Variants in OR2T27 observed in about 807,000 individuals in gnomAD.
The protein encoded by OR2T27 is olfactory receptor family 2 subfamily T member 27.
For missense variants in OR2T27, 152 were observed against 397.2 expected (o/e 0.38, Z 5.25); for synonymous variants, 51 against 152.9 (o/e 0.33, Z 4.92).
chr1:248,655,381 TAGG>T (rs1488806165), intron 1 of OR2T27, 60 bp downstream of exon 1: 5 of 109,838 alleles, frequency 4.6e-5, no homozygotes, highest in Non-Finnish European at 8.2e-5. Context: ...CAAAACTTTC[TAGG>T]AAGTCCAGAA....
chr1:248,652,906 G>A (rs962678083), intron 1 of OR2T27, among the ~76,000 whole-genome samples: 1 of 147,686 alleles, frequency 6.8e-6, no homozygotes, highest in Admixed American at 7.0e-5. Context: ...CAAACATTTA[G>A]TAGCAATTCG....
In OR2T27 at chr1:248,649,934, G is replaced by A. The variant is rs758457602; in HGVS notation, c.951C>T (p.Phe317=). 4.5e-6 allele frequency: 7 copies of A among 1,555,236 alleles called. 1 individual carries two copies. The Admixed American group carries it at 1.2e-4, about 26-fold the overall frequency. The change falls in exon 2 of 2, where the codon TTC becomes TTT. Residue 317 remains phenylalanine, a synonymous_variant. Transcript: ENST00000460972. ...RCVSSGKVTT[F] ...TCTAGCAGCATATGAAATTTCTTTA[G>A]AAAGTGGTTACCTTTCCTGAGGACA...
chr1:248,651,121 A>G (rs1216308328), intron 1 of OR2T27, among the ~76,000 whole-genome samples: 910 of 74,832 alleles, frequency 0.012, no homozygotes, highest in African/African-American at 0.029. Flanking sequence ...TGATCAAACA[A>G]TCTTTTTGTT....
At chr1:248,655,187 C>G (rs1323948116) in intron 1 of OR2T27, among the ~76,000 whole-genome samples, 1 of 38,202 alleles carries the variant, frequency 2.6e-5, no homozygotes, top group African/African-American at 3.3e-5. Flanking sequence ...ATTATGCAGA[C>G]AGATCTGCAT....
chr1:248,653,917 A>G (rs1425670813), intron 1 of OR2T27, among the ~76,000 whole-genome samples: 2 of 117,476 alleles, frequency 1.7e-5, no homozygotes, highest in African/African-American at 5.3e-5. Context: ...AAGTTTTGAA[A>G]TATTTCAGAC....
At chr1:248,652,542 TTG>T in intron 1 of OR2T27, among the ~76,000 whole-genome samples, 1 of 12,744 alleles carries the variant, frequency 7.8e-5, no homozygotes, top group African/African-American at 8.3e-5. Context: ...TGAACGTGTG[TTG>T]TGTGACCACA....
At chr1:248,653,002 T>C (rs987372629) in intron 1 of OR2T27, among the ~76,000 whole-genome samples, 4 of 90,216 alleles carry the variant, frequency 4.4e-5, no homozygotes, top group African/African-American at 1.1e-4. Flanking sequence ...GTGCTTGTTA[T>C]TTCACAGTAA....
chr1:248,651,581 T>G (rs1420883623), intron 1 of OR2T27: 1 of 23,994 alleles, frequency 4.2e-5, no homozygotes, highest in African/African-American at 1.0e-4. Context: ...AACTACCAAT[T>G]ATTAACATAC....
Position 248,651,467 on chromosome 1 carries a change from A to G in OR2T27, c.-4-579T>C, listed in dbSNP as rs1461611728. 2.8e-5 allele frequency: 2 copies of G among 70,856 alleles called. 1 individual carries two copies. Among genetic ancestry groups the G allele is most frequent in the Non-Finnish European group, 9.8e-5 (2 of 20,482 alleles). The allele number at this position is 70,856 out of a possible 1,614,324, so 4.4% of individuals were successfully genotyped here. On this transcript the variant is annotated intron_variant, in intron 1 of 1. Coordinates refer to ENST00000460972, the MANE Select transcript of OR2T27 (RefSeq NM_001001824.2). ...TGCAGAATGAGCCTGTGTTGAATAA[A>G]AAGAGCTGAGTTCTGAGAAGTCATC...
chr1:248,655,017 T>TC (rs1213762405), intron 1 of OR2T27, among the ~76,000 whole-genome samples: 1 of 31,790 alleles, frequency 3.1e-5, no homozygotes, highest in African/African-American at 3.7e-5. Flanking sequence ...TGCAATGGTT[T>TC]CTCGGAGCAG....
In OR2T27 at chr1:248,649,980, T is replaced by C. The variant is rs773399589; in HGVS notation, c.905A>G (p.Gln302Arg). Reference protein sequence around the residue: ...LRNKDVTGALQKVVGRCVSSG... With the variant: ...LRNKDVTGALRKVVGRCVSSG... ...GGACACACACCTCCCCACAACCTTC[T>C]GTAGGGCCCCTGTGACATCCTTGTT... The change falls in exon 2 of 2, where the codon CAG (glutamine) becomes CGG (arginine). Residue 302 changes from glutamine (Q) to arginine (R), a missense_variant. By Grantham distance (43) the Gln-to-Arg change is conservative (BLOSUM62 1). Transcript: ENST00000460972. 4.4e-6 allele frequency: 7 copies of C among 1,579,198 alleles called. No individual in the cohort carries two copies. The African/African-American group carries it at 9.8e-5, about 22-fold the overall frequency.
intron 1 of OR2T27, chr1:248,651,546 G>A (rs1164577328): frequency 1.7e-5 from 1 of 57,948 alleles, no homozygotes; most frequent in African/African-American, 3.1e-5. Flanking sequence ...GTCAAGTGGT[G>A]TTTGCTTTCC....
chr1:248,652,034 TTC>T (rs147078782), intron 1 of OR2T27, among the ~76,000 whole-genome samples: 7,589 of 151,626 alleles, frequency 0.05, 263 homozygotes, highest in African/African-American at 0.17. Flanking sequence ...AAATTTAGAA[TTC>T]TCTGTGGCTC....
Position 248,650,483 on chromosome 1 carries a change from G to A in OR2T27, c.402C>T (p.Val134=). 6.4e-7 allele frequency: 1 copy of A among 1,557,416 alleles called. No homozygotes were observed. The highest frequency in any genetic ancestry group is 8.7e-7 in the Non-Finnish European group (1 of 1,144,372). The change falls in exon 2 of 2, where the codon GTC becomes GTT. Residue 134 remains valine (V), a synonymous_variant. Transcript: ENST00000460972. Reference sequence around the variant, plus strand: ...ACCAGCAGATCTTGCGGCTCATGAGGACAGGATAGTGCAGAGGGTTGCAGA... The same window carrying A: ...ACCAGCAGATCTTGCGGCTCATGAGAACAGGATAGTGCAGAGGGTTGCAGA... ...VAICNPLHYP[V]LMSRKICWLI...
In OR2T27 at chr1:248,650,401, C is replaced by T. The variant is rs377670723; in HGVS notation, c.484G>A (p.Val162Ile). 146 of 1,384,142 alleles carry T rather than the reference C, an allele frequency of 1.1e-4. No homozygotes were observed. The African/African-American group carries it at 1.4e-3, about 14-fold the overall frequency. 85.7% of individuals were successfully genotyped at this position (1,384,142 alleles called of 1,614,324 possible). A position where few individuals can be genotyped will look rare whatever the true frequency, so the allele number is the denominator to read the frequency against. ...GCACAGAAGGGGAACTGCATGGTGA[C>T]GGGGGTGAGCAAGAAACCATCGATA... ...GSIDGFLLTP[V>I]TMQFPFCASR... Residue 162 changes from valine to isoleucine, a missense_variant, in exon 2 of 2, where the codon GTC (valine) becomes ATC (isoleucine). Physicochemically the swap from Val to Ile is conservative, Grantham distance 29. Coordinates refer to ENST00000460972, the MANE Select transcript of OR2T27 (RefSeq NM_001001824.2).
rs146838192 is a variant in OR2T27 at position 248,650,620 on chromosome 1, G to A, written c.265C>T (p.Gln89Ter). ...PKMLVDQVMS[Q>*]RAISFAGCTA... is the part of the protein sequence containing the mutation. ...CATCCAGCAAAGGAAATGGCTCTCT[G>A]GCTCATCACCTGGTCGACCAGCATT... The change falls in exon 2 of 2, where the codon CAG (glutamine) becomes TAG (stop). Residue 89 changes from glutamine (Q) to a stop codon, truncating the protein, a stop_gained. Coordinates refer to ENST00000460972, the MANE Select transcript of OR2T27 (RefSeq NM_001001824.2). LOFTEE classifies it low-confidence loss of function (END_TRUNC). 231 of 1,485,400 alleles carry A rather than the reference G, an allele frequency of 1.6e-4. No homozygotes were observed. The highest frequency in any genetic ancestry group is 1.5e-3 in the African/African-American group (112 of 73,194). The allele number at this position is 1,485,400 out of a possible 1,614,324, so 92.0% of individuals were successfully genotyped here. A position where few individuals can be genotyped will look rare whatever the true frequency, so the allele number is the denominator to read the frequency against.
In OR2T27 at chr1:248,650,427, G is replaced by C. The variant is rs201249995; in HGVS notation, c.458C>G (p.Ser153Cys). The C allele has an allele frequency of 3.0e-4, 451 of 1,516,360 alleles. 12 individuals carry two copies. In the Middle Eastern group the frequency reaches 3.1e-3, roughly 11 times the overall value. 93.9% of individuals were successfully genotyped at this position (1,516,360 alleles called of 1,614,324 possible). ...GGGGGTGAGCAAGAAACCATCGATA[G>C]ACCCTCCCAGCCAGGCTGCCGCCAC... ...LIVAAAWLGG[S>C]IDGFLLTPVT... Residue 153 changes from serine (S) to cysteine (C), a missense_variant, in exon 2 of 2, where the codon TCT becomes TGT. Ser to Cys is a moderately radical substitution (Grantham distance 112). Transcript: ENST00000460972.
At chr1:248,651,903 TA>T (rs1228765548) in intron 1 of OR2T27, among the ~76,000 whole-genome samples, 2 of 90,380 alleles carry the variant, frequency 2.2e-5, no homozygotes, top group Non-Finnish European at 5.3e-5. Context: ...AAACACCTGT[TA>T]AAAATATATG....
rs753967572 is a variant in OR2T27, at chr1:248,650,826, TTGC to T, written c.56_58del (p.Ser19del). The T allele has an allele frequency of 6.2e-7, 1 of 1,609,880 alleles. No homozygotes were observed. Among genetic ancestry groups the T allele is most frequent in the Non-Finnish European group, 8.5e-7 (1 of 1,177,528 alleles). ...AAAGAGAAGCCAGGGGAAACGGGCG[TTGC>T]TGAACAAACCCAGAAGGATAAAGTC... is the stretch of plus-strand genomic sequence containing the variant. On this transcript the variant is annotated inframe_deletion, in exon 2 of 2. Transcript: ENST00000460972.
Sources: allele counts gnomAD v4.1 joint callset (sites outside exome capture counted in the v4.1 genomes callset), GRCh38; gene constraint gnomAD v4.1.1; transcripts MANE v1.5; gene names NCBI Gene and HGNC (gene_info 2026-07-23, HGNC 2026-07-21).